The following NOTCH2 variants were observed in gnomAD, a reference collection of about 807,000 sequenced individuals.
The protein encoded by NOTCH2 is notch receptor 2.
Under a neutral mutation model 235.8 loss-of-function variants are expected in NOTCH2, and 29 were observed. The ratio of observed to expected loss-of-function variants is 0.12; its 90% CI spans 0.09 to 0.17. The LOEUF is 0.17. NOTCH2 is among the 10% of genes least tolerant of loss of function. The pLI, the probability that NOTCH2 is intolerant of heterozygous loss-of-function variation, is 1.00. For synonymous variants in NOTCH2, 1,086 were observed against 1,141.5 expected (o/e 0.95, Z 0.98); for missense variants, 2,285 against 3,150.2 (o/e 0.73, Z 6.57).
intron 19 of NOTCH2, among the ~76,000 whole-genome samples, chr1:119,939,934 A>G (rs1650004898): frequency 6.6e-6 from 1 of 152,242 alleles, no homozygotes; most frequent in African/African-American, 2.4e-5. Flanking sequence ...ACTATTAAAG[A>G]GGTAGAATAA....
At chr1:120,014,925 G>A (rs1406504841) in intron 2 of NOTCH2, among the ~76,000 whole-genome samples, 5 of 138,444 alleles carry the variant, frequency 3.6e-5, no homozygotes, top group South Asian at 2.5e-4. Flanking sequence ...TTTCTCCACC[G>A]AATGTTCTGT....
At position 119,969,670 on chromosome 1, in the gene NOTCH2, T is replaced by C. The variant is rs782657864; in HGVS notation, c.949A>G (p.Asn317Asp). Reference protein sequence around the residue: ...NACQNGGTCANRNGGYGCVCV... With the variant: ...NACQNGGTCADRNGGYGCVCV... ...ACACAGCCATAGCCTCCATTGCGGT[T>C]GGCACAGGTGCCCCCATTTTGACAG... is the stretch of plus-strand genomic sequence containing the variant. Residue 317 changes from asparagine to aspartate, a missense_variant, in exon 6 of 34, where the codon AAC becomes GAC. By Grantham distance (23) the Asn-to-Asp change is conservative. Transcript: ENST00000256646. The C allele has an allele frequency of 5.6e-6, 9 of 1,614,192 alleles. No homozygotes were observed. The highest frequency in any genetic ancestry group is 6.8e-6 in the Non-Finnish European group (8 of 1,179,996).
chr1:120,004,998 G>C (rs1373255069), intron 3 of NOTCH2, among the ~76,000 whole-genome samples: 12 of 152,150 alleles, frequency 7.9e-5, no homozygotes, highest in Admixed American at 5.2e-4. Flanking sequence ...GTGTTTCCCA[G>C]GCTGGTCTCA....
Position 119,928,303 on chromosome 1 carries a change from G to A in NOTCH2, c.3892+673C>T, listed in dbSNP as rs587696391. ...GGGCAAGGCATTACTTGTGACCACTGCAACTTTTCATTTCATACCCACATC... is the reference window on the plus strand; with the variant it reads ...GGGCAAGGCATTACTTGTGACCACTACAACTTTTCATTTCATACCCACATC... On this transcript the variant is annotated intron_variant, in intron 23 of 33. Coordinates refer to ENST00000256646, the MANE Select transcript of NOTCH2 (RefSeq NM_024408.4). 2.6e-5 allele frequency among the ~76,000 whole-genome samples: 4 copies of A among 152,296 alleles called. No individual in the cohort carries two copies. In the South Asian group the frequency reaches 8.3e-4, roughly 32 times the overall value.
intron 2 of NOTCH2, among the ~76,000 whole-genome samples, chr1:120,009,330 T>C (rs76048586): frequency 6.6e-6 from 1 of 151,514 alleles, no homozygotes. Flanking sequence ...TACAGAACCA[T>C]ATATTTGCTT....
intron 5 of NOTCH2, among the ~76,000 whole-genome samples, chr1:119,980,716 A>G (rs1218528408): frequency 6.6e-6 from 1 of 152,172 alleles, no homozygotes; most frequent in Non-Finnish European, 1.5e-5. Flanking sequence ...GGAATGTCAA[A>G]ATAAGTAAGA....
In NOTCH2 at chr1:119,955,178, C is replaced by T. The variant is rs782254452; in HGVS notation, c.2081G>A (p.Gly694Asp). The change falls in exon 13 of 34, where the codon GGT (glycine) becomes GAT (aspartate). Residue 694 changes from glycine to aspartate, a missense_variant. Gly to Asp is a moderately conservative substitution (Grantham distance 94). Transcript: ENST00000256646. ...DECASNPCRK[G>D]ATCINGVNGF... is the part of the protein sequence containing the mutation. ...ATTCACACCGTTGATACATGTTGCACCCTTGCGACAGGGATTGGAGGCACA... is the reference window on the plus strand; with the variant it reads ...ATTCACACCGTTGATACATGTTGCATCCTTGCGACAGGGATTGGAGGCACA... The T allele has an allele frequency of 1.9e-6, 3 of 1,614,014 alleles. No homozygotes were observed. The highest frequency in any genetic ancestry group is 2.5e-6 in the Non-Finnish European group (3 of 1,180,018).
chr1:120,009,478 C>T (rs1345797676), intron 2 of NOTCH2, among the ~76,000 whole-genome samples: 4 of 151,452 alleles, frequency 2.6e-5, no homozygotes, highest in Non-Finnish European at 5.9e-5. Flanking sequence ...TTCATGAGGT[C>T]CCATTTCCCT....
intron 23 of NOTCH2, among the ~76,000 whole-genome samples, chr1:119,926,842 G>A (rs938983816): frequency 2.6e-5 from 4 of 152,098 alleles, no homozygotes; most frequent in Non-Finnish European, 5.9e-5. Flanking sequence ...TACACAGTAA[G>A]TACCAACTCA....
At chr1:120,060,454 T>A (rs587635990) in intron 1 of NOTCH2, among the ~76,000 whole-genome samples, 3 of 148,366 alleles carry the variant, frequency 2.0e-5, no homozygotes, top group South Asian at 4.2e-4. Flanking sequence ...AAACTAAATA[T>A]ATATATATAT....
At chr1:119,987,901 ACTCT>A (rs1237684526) in intron 4 of NOTCH2, among the ~76,000 whole-genome samples, 2 of 151,776 alleles carry the variant, frequency 1.3e-5, no homozygotes, top group African/African-American at 4.8e-5. Context: ...ACCAAACTTC[ACTCT>A]AACTGCCCAC....
chr1:119,971,185 G>A (rs974089688), intron 5 of NOTCH2, among the ~76,000 whole-genome samples: 2 of 152,150 alleles, frequency 1.3e-5, no homozygotes, highest in Non-Finnish European at 2.9e-5. Flanking sequence ...TTGCACATCT[G>A]TCTCCCACTA....
chr1:119,947,465 C>A (rs587677393), intron 17 of NOTCH2, among the ~76,000 whole-genome samples: 1 of 152,106 alleles, frequency 6.6e-6, no homozygotes, highest in East Asian at 1.9e-4. Context: ...AATGAAATAC[C>A]ACTCTACACC....
intron 1 of NOTCH2, among the ~76,000 whole-genome samples, chr1:120,062,864 C>G (rs1364476210): frequency 1.3e-5 from 2 of 152,156 alleles, no homozygotes; most frequent in African/African-American, 4.8e-5. Context: ...CAAGTTAATA[C>G]AATAATTCCT....
In NOTCH2 at chr1:119,935,605, C is replaced by T; in HGVS notation, c.3523-1G>A. ...TGACACCCTGATAGCCTGGGACACA[C>T]TGCCATGAGGAAACAAAAAGGACAA... On this transcript the variant is annotated splice_acceptor_variant, in intron 21 of 33. Coordinates refer to ENST00000256646, the MANE Select transcript of NOTCH2 (RefSeq NM_024408.4). LOFTEE classifies it high-confidence loss of function. The T allele has an allele frequency of 6.2e-7, 1 of 1,614,100 alleles. No homozygotes were observed. The highest frequency in any genetic ancestry group is 8.5e-7 in the Non-Finnish European group (1 of 1,180,014).
chr1:119,978,258 C>G (rs587598491), intron 5 of NOTCH2, among the ~76,000 whole-genome samples: 1 of 152,020 alleles, frequency 6.6e-6, no homozygotes, highest in African/African-American at 2.4e-5. Context: ...AAAAAAAATT[C>G]TTGTGGTTGA....
chr1:119,977,178 AG>A (rs782238200), intron 5 of NOTCH2, among the ~76,000 whole-genome samples: 8 of 152,098 alleles, frequency 5.3e-5, no homozygotes, highest in Non-Finnish European at 1.0e-4. Context: ...TATCTGCTTA[AG>A]GTTCTCTTAT....
At chr1:120,001,135 G>T (rs61787015) in intron 3 of NOTCH2, among the ~76,000 whole-genome samples, 123 of 152,036 alleles carry the variant, frequency 8.1e-4, no homozygotes, top group Middle Eastern at 3.4e-3. Context: ...ACCATAATTC[G>T]GAGGCCTCCC....
At chr1:119,945,070 T>C (rs587665547) in intron 17 of NOTCH2, among the ~76,000 whole-genome samples, 23 of 152,180 alleles carry the variant, frequency 1.5e-4, no homozygotes, top group African/African-American at 2.9e-4. Context: ...ATAACAACAA[T>C]AGAAGAGAGG....
Sources: allele counts gnomAD v4.1 joint callset (sites outside exome capture counted in the v4.1 genomes callset), GRCh38; gene constraint gnomAD v4.1.1; transcripts MANE v1.5; gene names NCBI Gene and HGNC (gene_info 2026-07-23, HGNC 2026-07-21).